INTS6L: variants seen among roughly 807,000 people sequenced by gnomAD.
The protein encoded by INTS6L is integrator complex subunit 6 like, also known as integrator complex subunit 6-like.
INTS6L carries 18 observed loss-of-function variants against 64.7 expected under a neutral mutation model. The observed-to-expected ratio is 0.28, with a 90% CI of 0.19 to 0.41. INTS6L has a LOEUF of 0.41. Ranked by LOEUF, INTS6L falls within the 10% of genes least tolerant of loss-of-function variation. The pLI, the probability that INTS6L is intolerant of heterozygous loss-of-function variation, is 1.00. For missense variants in INTS6L, 533 were observed against 661.0 expected (o/e 0.81, Z 2.12); for synonymous variants, 227 against 235.9 (o/e 0.96, Z 0.34).
At chrX:135,549,905 C>T in intron 7 of INTS6L, 100 bp downstream of exon 7, 2 of 942,493 alleles carry the variant, frequency 2.1e-6, no homozygotes, top group Non-Finnish European at 3.0e-6. Flanking sequence ...TATGCCATGC[C>T]ACAGGCAAGT....
At chrX:135,578,473 C>T (rs995542933) in intron 15 of INTS6L, among the ~76,000 whole-genome samples, 1 of 111,626 alleles carries the variant, frequency 9.0e-6, no homozygotes, top group East Asian at 2.8e-4. Flanking sequence ...GTAGTGTTTG[C>T]AGATTTCCTT....
Position 135,579,920 on chromosome X carries a change from T to C in INTS6L, c.2252T>C (p.Val751Ala), listed in dbSNP as rs1556533323. 5.5e-5 allele frequency: 67 copies of C among 1,211,727 alleles called. No homozygotes were observed. The highest frequency in any genetic ancestry group is 6.9e-5 in the Non-Finnish European group (62 of 895,474). Reference sequence around the variant, plus strand: ...GGAGATCTTATGCCACCCAACCAAGTGGATTCTCTGTCTGACGACTTCACA... The same window carrying C: ...GGAGATCTTATGCCACCCAACCAAGCGGATTCTCTGTCTGACGACTTCACA... ...MTGDLMPPNQ[V>A]DSLSDDFTSL... is the part of the protein sequence containing the mutation. Residue 751 changes from valine (V) to alanine (A), a missense_variant, in exon 16 of 18, where the codon GTG (valine) becomes GCG (alanine). Val to Ala is a moderately conservative substitution (Grantham distance 64, BLOSUM62 0). Transcript: ENST00000639893.
chrX:135,525,486 A>G (rs1469083641), intron 2 of INTS6L, among the ~76,000 whole-genome samples: 1 of 112,499 alleles, frequency 8.9e-6, no homozygotes, highest in Non-Finnish European at 1.9e-5. Flanking sequence ...GAAGACATAC[A>G]TTTGAAAAAG....
At chrX:135,577,164 T>A in intron 14 of INTS6L, 29 bp from the exon 15 acceptor site, 3 of 1,197,523 alleles carry the variant, frequency 2.5e-6, no homozygotes, top group Non-Finnish European at 3.4e-6. Context: ...TGGTCTTTAA[T>A]GAAATACGTT....
intron 2 of INTS6L, among the ~76,000 whole-genome samples, chrX:135,524,452 T>G (rs1471948133): frequency 1.9e-5 from 2 of 107,027 alleles, no homozygotes; most frequent in African/African-American, 7.0e-5. Flanking sequence ...ATATGAGTGT[T>G]TTTTTTTTTT....
intron 2 of INTS6L, among the ~76,000 whole-genome samples, chrX:135,531,041 T>C (rs1210645343): frequency 8.9e-6 from 1 of 112,158 alleles, no homozygotes; most frequent in Non-Finnish European, 1.9e-5. Flanking sequence ...TTGAATGCAA[T>C]TGAACAAAAG....
intron 9 of INTS6L, among the ~76,000 whole-genome samples, chrX:135,564,838 A>C (rs2086897408): frequency 9.0e-6 from 1 of 111,049 alleles, no homozygotes; most frequent in African/African-American, 3.3e-5. Flanking sequence ...GATCTTACTT[A>C]AACCTTCTGT....
chrX:135,525,050 A>C (rs186014177), intron 2 of INTS6L, among the ~76,000 whole-genome samples: 2 of 112,512 alleles, frequency 1.8e-5, no homozygotes, highest in African/African-American at 6.4e-5. Flanking sequence ...TAACATTTAA[A>C]AACGTCTAAT....
At chrX:135,545,253 C>T (rs2086323989) in intron 2 of INTS6L, among the ~76,000 whole-genome samples, 170 bp from the exon 3 acceptor site, 1 of 112,113 alleles carries the variant, frequency 8.9e-6, no homozygotes, top group Non-Finnish European at 1.9e-5. Context: ...GCTAGCAGGT[C>T]TTTCCGAAAC....
intron 2 of INTS6L, among the ~76,000 whole-genome samples, chrX:135,524,963 T>C (rs1364335944): frequency 8.9e-6 from 1 of 112,592 alleles, no homozygotes; most frequent in Non-Finnish European, 1.9e-5. Context: ...ACAAGTTTTA[T>C]GCATAGTGTT....
chrX:135,575,703 C>T (rs782024089), intron 14 of INTS6L, among the ~76,000 whole-genome samples: 166 of 111,362 alleles, frequency 1.5e-3, no homozygotes, highest in African/African-American at 5.2e-3. Flanking sequence ...ATCTAGAAAA[C>T]GATGAATGTG....
chrX:135,572,694 T>G, intron 11 of INTS6L, 121 bp from the exon 12 acceptor site: 1 of 587,609 alleles, frequency 1.7e-6, no homozygotes, highest in East Asian at 3.6e-5. Flanking sequence ...TTATCCATTT[T>G]TCTGTGATTT....
At chrX:135,575,569 G>T (rs946769494) in intron 14 of INTS6L, among the ~76,000 whole-genome samples, 1 of 112,458 alleles carries the variant, frequency 8.9e-6, no homozygotes, top group African/African-American at 3.2e-5. Context: ...GCACATAAGA[G>T]CAAGGATTTG....
At chrX:135,564,149 T>C in intron 9 of INTS6L, among the ~76,000 whole-genome samples, 1 of 111,772 alleles carries the variant, frequency 8.9e-6, no homozygotes, top group East Asian at 2.8e-4. Context: ...TTTACATTGT[T>C]CTATTTTCCA....
At position 135,546,706 on chromosome X, in the gene INTS6L, A is replaced by G; in HGVS notation, c.434A>G (p.His145Arg). Reference protein sequence around the residue: ...TSTAGVQEELHLPLNSPLPGS... With the variant: ...TSTAGVQEELRLPLNSPLPGS... ...TTCACATTTTTGCCTTATCAGCTCC[A>G]TCTTCCTTTGAATTCCCCTCTGCCT... The change falls in exon 5 of 18, where the codon CAT becomes CGT. Residue 145 changes from histidine (H) to arginine (R), a missense_variant. His to Arg is a conservative substitution (Grantham distance 29, BLOSUM62 0). Coordinates refer to ENST00000639893, the MANE Select transcript of INTS6L (RefSeq NM_001351601.3). The G allele has an allele frequency of 8.3e-7, 1 of 1,205,083 alleles. No individual in the cohort carries two copies. The highest frequency in any genetic ancestry group is 1.1e-6 in the Non-Finnish European group (1 of 891,202).
intron 2 of INTS6L, among the ~76,000 whole-genome samples, chrX:135,538,366 T>C (rs2086108781): frequency 8.9e-6 from 1 of 112,574 alleles, no homozygotes; most frequent in African/African-American, 3.2e-5. Context: ...AAACAACTCA[T>C]TCATTAAAGT....
intron 7 of INTS6L, among the ~76,000 whole-genome samples, chrX:135,550,430 CT>C (rs35317599): frequency 0.084 from 7,325 of 86,783 alleles, 552 homozygotes; most frequent in African/African-American, 0.22. Flanking sequence ...GATCAATTGG[CT>C]TTTTTTTTTT....
intron 8 of INTS6L, among the ~76,000 whole-genome samples, chrX:135,554,166 C>A (rs2086580723): frequency 9.0e-6 from 1 of 111,667 alleles, no homozygotes; most frequent in Admixed American, 9.5e-5. Flanking sequence ...CCCTAAAAAT[C>A]TATGAATCTG....
At chrX:135,536,310 T>C (rs971718970) in intron 2 of INTS6L, among the ~76,000 whole-genome samples, 5 of 112,411 alleles carry the variant, frequency 4.4e-5, no homozygotes, top group African/African-American at 1.6e-4. Context: ...TTTTTTTATT[T>C]ATAAATAGTC....
Sources: gnomAD v4.1 joint callset for allele counts (sites outside exome capture counted in the v4.1 genomes callset) on GRCh38, gnomAD v4.1.1 for gene constraint, MANE v1.5 for transcripts, NCBI Gene and HGNC (gene_info 2026-07-23, HGNC 2026-07-21) for gene names.